The following MTFR1 variants were observed in gnomAD, a reference collection of about 807,000 sequenced individuals.
The protein encoded by MTFR1 is chondrocyte protein with a poly-proline region.
A neutral mutation model predicts 38.8 loss-of-function variants in MTFR1; 28 were observed. That is an observed-to-expected ratio of 0.72 (90% confidence interval 0.53 to 0.99). The LOEUF is 0.99. MTFR1 is among the 50% of genes least tolerant of loss of function. MTFR1 has a pLI of 0.00. For missense variants in MTFR1, 358 were observed against 395.5 expected (o/e 0.91, Z 0.81); for synonymous variants, 145 against 137.0 (o/e 1.06, Z -0.41).
intron 1 of MTFR1, 150 bp from the exon 2 acceptor site, chr8:65,669,723 G>A: frequency 2.2e-6 from 1 of 458,148 alleles, no homozygotes; most frequent in East Asian, 4.4e-5. Flanking sequence ...GGCTAATTTT[G>A]TATTTTTAGT....
intron 3 of MTFR1, chr8:65,719,707 G>T: frequency 1.8e-6 from 1 of 556,892 alleles, no homozygotes; most frequent in Admixed American, 3.0e-5. Context: ...ATGGAAATTT[G>T]AGTAAAAGTG....
intron 3 of MTFR1, chr8:65,747,892 AT>A (rs907236750): frequency 1.6e-6 from 1 of 633,514 alleles, no homozygotes. Flanking sequence ...ATGTACAAGT[AT>A]TTTTAAAAAT....
At chr8:65,672,052 C>T (rs370085961) in intron 2 of MTFR1, among the ~76,000 whole-genome samples, 47 of 152,304 alleles carry the variant, frequency 3.1e-4, no homozygotes, top group African/African-American at 1.0e-3. Flanking sequence ...AGCTTGTTCA[C>T]TTTAAGCTGG....
At chr8:65,679,937 C>A (rs79103292) in intron 2 of MTFR1, among the ~76,000 whole-genome samples, 2,811 of 152,218 alleles carry the variant, frequency 0.018, 26 homozygotes, top group African/African-American at 0.025. Flanking sequence ...TTTCTACTTA[C>A]CAGTTTTCTA....
intron 1 of MTFR1, among the ~76,000 whole-genome samples, chr8:65,652,902 T>C (rs1809159368): frequency 6.6e-6 from 1 of 152,244 alleles, no homozygotes. Flanking sequence ...TGCCATTTTA[T>C]ATAAGGCACT....
chr8:65,729,633 G>A (rs1279199302), intron 3 of MTFR1, among the ~76,000 whole-genome samples: 4 of 151,844 alleles, frequency 2.6e-5, no homozygotes, highest in East Asian at 1.9e-4. Context: ...GTGCGATCTC[G>A]GCTCACTGCA....
At position 65,764,161 on chromosome 8, in the gene MTFR1, G is replaced by A. The variant is rs558761527; in HGVS notation, c.*49-6786G>A. ...AGGAATTACAATAGAAAAGAGATAG[G>A]AGCATGGGTGATAGAAAAGACAGGA... On this transcript the variant is annotated intron_variant, in intron 3 of 3. Coordinates refer to the MTFR1 transcript ENST00000521247. 1.9e-4 allele frequency among the ~76,000 whole-genome samples: 29 copies of A among 152,306 alleles called. No homozygotes were observed. In the South Asian group the frequency reaches 5.4e-3, roughly 28 times the overall value.
chr8:65,693,220 G>GT (rs1198352333), intron 3 of MTFR1, among the ~76,000 whole-genome samples: 5 of 151,994 alleles, frequency 3.3e-5, no homozygotes, highest in Non-Finnish European at 5.9e-5. Context: ...GGTCAACATG[G>GT]TGAAACCTCA....
intron 3 of MTFR1, among the ~76,000 whole-genome samples, chr8:65,687,893 A>G (rs1269685626): frequency 2.6e-5 from 4 of 151,884 alleles, no homozygotes; most frequent in Non-Finnish European, 5.9e-5. Flanking sequence ...TGAGGTTGGG[A>G]GTTCAAGACC....
chr8:65,647,183 T>G (rs918561086), intron 1 of MTFR1, among the ~76,000 whole-genome samples: 3 of 152,238 alleles, frequency 2.0e-5, no homozygotes, highest in African/African-American at 7.2e-5. Context: ...AGCAGTTGGT[T>G]GACCTGATAA....
At chr8:65,727,332 A>G (rs369122099) in intron 3 of MTFR1, 273 of 1,611,670 alleles carry the variant, frequency 1.7e-4, no homozygotes, top group Non-Finnish European at 2.2e-4. Context: ...AATGAATCAC[A>G]GATATATCTA....
Position 65,747,634 on chromosome 8 carries a change from TAAA to T in MTFR1, c.*49-23308_*49-23306del, listed in dbSNP as rs529267967. 1.6e-5 allele frequency: 25 copies of T among 1,545,840 alleles called. No homozygotes were observed. In the East Asian group the frequency reaches 4.8e-4, roughly 29 times the overall value. The stretch of plus-strand genomic sequence containing the variant: ...ACTTATCAAAAAATTAATGTTTTCT[TAAA>T]AAAACTATACACACCTTGGCTTGTC... On this transcript the variant is annotated intron_variant, in intron 3 of 3. Coordinates refer to the MTFR1 transcript ENST00000521247.
intron 1 of MTFR1, among the ~76,000 whole-genome samples, chr8:65,651,205 C>T (rs1411781205): frequency 6.6e-6 from 1 of 152,200 alleles, no homozygotes; most frequent in Non-Finnish European, 1.5e-5. Flanking sequence ...AATCCCTTGT[C>T]AGGTGAATAG....
At chr8:65,684,903 C>T (rs1805024525) in intron 3 of MTFR1, among the ~76,000 whole-genome samples, 1 of 152,028 alleles carries the variant, frequency 6.6e-6, no homozygotes, top group South Asian at 2.1e-4. Context: ...ACTCAGGAGG[C>T]TGAGGCAGGA....
At chr8:65,735,878 G>A (rs926270999) in intron 3 of MTFR1, among the ~76,000 whole-genome samples, 1 of 152,028 alleles carries the variant, frequency 6.6e-6, no homozygotes, top group Non-Finnish European at 1.5e-5. Context: ...ACCCACCTCG[G>A]CCTCCCAAAA....
chr8:65,707,183 A>G lies in MTFR1; in HGVS notation c.691A>G (p.Lys231Glu), dbSNP rs748887981. Reference sequence around the variant, plus strand: ...AAAGACTTTGGTTAAGAACAATCCAAAGAAACCTGAAATGCCAAATATGCT... The same window carrying G: ...AAAGACTTTGGTTAAGAACAATCCAGAGAAACCTGAAATGCCAAATATGCT... The part of the protein sequence containing the change: ...AGKTLVKNNP[K>E]KPEMPNMLEI... The change falls in exon 6 of 8, where the codon AAG becomes GAG. Residue 231 changes from lysine to glutamate, a missense_variant. Physicochemically the swap from Lys to Glu is moderately conservative, Grantham distance 56. Transcript: ENST00000262146. 3 of 1,614,190 alleles carry G rather than the reference A, an allele frequency of 1.9e-6. No individual in the cohort carries two copies. Among genetic ancestry groups the G allele is most frequent in the East Asian group, 2.2e-5 (1 of 44,888 alleles).
intron 3 of MTFR1, chr8:65,739,741 A>T (rs1325701002): frequency 2.2e-6 from 2 of 909,318 alleles, no homozygotes. Flanking sequence ...GCATCTTCTT[A>T]CCAGTTATGA....
At chr8:65,753,547 T>TA (rs2128909708) in intron 3 of MTFR1, among the ~76,000 whole-genome samples, 1 of 151,658 alleles carries the variant, frequency 6.6e-6, no homozygotes, top group African/African-American at 2.4e-5. Flanking sequence ...AAAGAAAAAT[T>TA]AAGACTTCTT....
chr8:65,645,616 C>T (rs1808936886), intron 1 of MTFR1, among the ~76,000 whole-genome samples: 1 of 151,172 alleles, frequency 6.6e-6, no homozygotes, highest in Admixed American at 6.6e-5. Flanking sequence ...GCCTCCACCT[C>T]CTGGGCCCCA....
Sources: allele counts gnomAD v4.1 joint callset (sites outside exome capture counted in the v4.1 genomes callset), GRCh38; gene constraint gnomAD v4.1.1; transcripts MANE v1.5; gene names NCBI Gene and HGNC (gene_info 2026-07-23, HGNC 2026-07-21).